CNTN6: variants seen among roughly 807,000 people sequenced by gnomAD.
CNTN6 encodes the protein contactin 6, also known as contactin-6.
In CNTN6, 137 loss-of-function variants were observed where a neutral mutation model predicts 122.8. The ratio of observed to expected loss-of-function variants is 1.12; its 90% CI spans 0.97 to 1.29. The LOEUF is 1.29. Ranked by LOEUF, CNTN6 falls within the 50% of genes most tolerant of loss-of-function variation. The probability of loss-of-function intolerance (pLI) is 0.00; values close to 1 mark genes in which losing one functional copy is unlikely to be tolerated. For synonymous variants in CNTN6, 570 were observed against 426.0 expected (o/e 1.34, Z -4.16); for missense variants, 1,634 against 1,223.4 (o/e 1.34, Z -5.01).
At chr3:1,307,498 A>G (rs1381752562) in intron 7 of CNTN6, among the ~76,000 whole-genome samples, 3 of 152,122 alleles carry the variant, frequency 2.0e-5, no homozygotes, top group Non-Finnish European at 4.4e-5. Flanking sequence ...TTCCCTTGTT[A>G]CTAACATCTT....
intron 1 of CNTN6, among the ~76,000 whole-genome samples, chr3:1,111,208 G>A (rs148616018): frequency 2.3e-4 from 35 of 152,294 alleles, no homozygotes; most frequent in African/African-American, 7.9e-4. Flanking sequence ...GCGGAAAGCA[G>A]TAGTCCCCTG....
intron 11 of CNTN6, among the ~76,000 whole-genome samples, chr3:1,330,638 A>T (rs760919397): frequency 2.0e-4 from 30 of 151,912 alleles, no homozygotes; most frequent in Non-Finnish European, 3.8e-4. Context: ...TATGCAATTA[A>T]ATCCTAATGT....
intron 7 of CNTN6, chr3:1,298,400 T>G (rs1330186574): frequency 6.5e-6 from 1 of 154,054 alleles, no homozygotes; most frequent in African/African-American, 2.4e-5. Flanking sequence ...AACCAACAAT[T>G]CTGATAAATA....
At chr3:1,288,069 T>G (rs1694659126) in intron 5 of CNTN6, among the ~76,000 whole-genome samples, 1 of 152,152 alleles carries the variant, frequency 6.6e-6, no homozygotes, top group South Asian at 2.1e-4. Context: ...GAACCCCAGT[T>G]TTGGGGTTTG....
intron 12 of CNTN6, among the ~76,000 whole-genome samples, chr3:1,363,742 T>C (rs553336008): frequency 5.3e-5 from 8 of 152,100 alleles, no homozygotes; most frequent in African/African-American, 1.9e-4. Context: ...GATATTCCTT[T>C]GACTATTGAT....
At chr3:1,246,154 A>C (rs769989063) in intron 4 of CNTN6, among the ~76,000 whole-genome samples, 7 of 152,124 alleles carry the variant, frequency 4.6e-5, no homozygotes, top group Non-Finnish European at 8.8e-5. Flanking sequence ...AGGAATAGAT[A>C]TTTCCAACAC....
intron 20 of CNTN6, among the ~76,000 whole-genome samples, chr3:1,397,773 T>C (rs1022802700): frequency 2.6e-5 from 4 of 152,168 alleles, no homozygotes; most frequent in Non-Finnish European, 4.4e-5. Flanking sequence ...GCTGCAAATA[T>C]GCAATCAATC....
At position 1,385,749 on chromosome 3, in the gene CNTN6, G is replaced by T. The variant is rs140895377; in HGVS notation, c.2656G>T (p.Gly886Trp). 6.2e-7 allele frequency: 1 copy of T among 1,613,704 alleles called. No homozygotes were observed. The highest frequency in any genetic ancestry group is 1.3e-5 in the African/African-American group (1 of 74,906). ...FASVRAYNTA[G>W]TGPSSPPVNV... The stretch of plus-strand genomic sequence containing the variant: ...TTCCGTAAGAGCTTACAACACTGCT[G>T]GGACAGGGCCCTCAAGCCCCCCAGT... Residue 886 changes from glycine (G) to tryptophan (W), a missense_variant, in exon 20 of 23, where the codon GGG becomes TGG. Transcript: ENST00000446702.
intron 12 of CNTN6, among the ~76,000 whole-genome samples, chr3:1,365,802 T>C (rs1391497530): frequency 6.6e-6 from 1 of 152,154 alleles, no homozygotes; most frequent in East Asian, 1.9e-4. Context: ...AAAGTGGAGA[T>C]AATATACAGA....
chr3:1,286,250 A>C (rs2125825991), intron 5 of CNTN6, among the ~76,000 whole-genome samples: 1 of 152,258 alleles, frequency 6.6e-6, no homozygotes, highest in South Asian at 2.1e-4. Flanking sequence ...AAGAAAGTGC[A>C]GGTTTGTTAC....
chr3:1,234,942 C>T (rs1003043514), intron 4 of CNTN6, among the ~76,000 whole-genome samples: 6 of 152,164 alleles, frequency 3.9e-5, no homozygotes, highest in African/African-American at 1.4e-4. Flanking sequence ...AACAAATAGA[C>T]TGTAAGCAGT....
At chr3:1,258,225 G>A (rs1298621780) in intron 4 of CNTN6, among the ~76,000 whole-genome samples, 2 of 152,122 alleles carry the variant, frequency 1.3e-5, no homozygotes, top group Admixed American at 6.6e-5. Flanking sequence ...TTTATTTGTA[G>A]TGTGGGTGAA....
chr3:1,102,769 A>G (rs1013253459), intron 1 of CNTN6, among the ~76,000 whole-genome samples: 1 of 149,256 alleles, frequency 6.7e-6, no homozygotes, highest in African/African-American at 2.4e-5. Flanking sequence ...GACATGCATT[A>G]AAATAATAGG....
chr3:1,227,638 A>G, intron 3 of CNTN6, among the ~76,000 whole-genome samples, 180 bp from the exon 4 acceptor site: 1 of 152,118 alleles, frequency 6.6e-6, no homozygotes. Flanking sequence ...TAATCTAGTT[A>G]CTGATCTCAC....
intron 4 of CNTN6, among the ~76,000 whole-genome samples, chr3:1,254,173 A>G (rs545737198): frequency 2.0e-5 from 3 of 152,090 alleles, no homozygotes; most frequent in Non-Finnish European, 4.4e-5. Flanking sequence ...AATACTGCCA[A>G]TTTTCATCTC....
At chr3:1,189,788 A>C (rs2093675502) in intron 2 of CNTN6, among the ~76,000 whole-genome samples, 1 of 152,150 alleles carries the variant, frequency 6.6e-6, no homozygotes. Flanking sequence ...AGGAAGAGAA[A>C]AAAATGCCAC....
chr3:1,159,081 T>C (rs2093061785), intron 2 of CNTN6, among the ~76,000 whole-genome samples: 1 of 151,088 alleles, frequency 6.6e-6, no homozygotes, highest in Non-Finnish European at 1.5e-5. Flanking sequence ...CAGTTAACCT[T>C]TAAAATCTGA....
chr3:1,128,534 A>G (rs1323192106), intron 1 of CNTN6, among the ~76,000 whole-genome samples: 1 of 152,018 alleles, frequency 6.6e-6, no homozygotes, highest in Non-Finnish European at 1.5e-5. Flanking sequence ...CACACAGAAA[A>G]TTAGGCATGG....
chr3:1,131,746 A>T (rs1031313472), intron 1 of CNTN6, among the ~76,000 whole-genome samples: 3 of 152,134 alleles, frequency 2.0e-5, no homozygotes, highest in Non-Finnish European at 4.4e-5. Context: ...TAGAACCAAT[A>T]AAAATGCCCT....
Sources: gnomAD v4.1 joint callset for allele counts (sites outside exome capture counted in the v4.1 genomes callset) on GRCh38, gnomAD v4.1.1 for gene constraint, MANE v1.5 for transcripts, NCBI Gene and HGNC (gene_info 2026-07-23, HGNC 2026-07-21) for gene names.